Variants in SEMA3A observed in about 807,000 individuals in gnomAD.
The protein encoded by SEMA3A is semaphorin-3A.
In SEMA3A, 29 loss-of-function variants were observed where a neutral mutation model predicts 97.9. The observed-to-expected ratio is 0.30, with a 90% CI of 0.22 to 0.40. The LOEUF is 0.40. Ranked by LOEUF, SEMA3A falls within the 10% of genes least tolerant of loss-of-function variation. The probability of loss-of-function intolerance (pLI) is 1.00; values close to 1 mark genes in which losing one functional copy is unlikely to be tolerated. For synonymous variants in SEMA3A, 321 were observed against 323.7 expected (o/e 0.99, Z 0.09); for missense variants, 763 against 951.3 (o/e 0.80, Z 2.60).
At chr7:84,285,919 G>A (rs1266042135) in intron 3 of SEMA3A, among the ~76,000 whole-genome samples, 1 of 140,308 alleles carries the variant, frequency 7.1e-6, no homozygotes, top group Non-Finnish European at 1.5e-5. Flanking sequence ...CTGTGAGTGA[G>A]ACATGATCGA....
At chr7:84,007,583 A>T (rs1229310705) in intron 9 of SEMA3A, 86 bp from the exon 10 acceptor site, 2 of 1,002,228 alleles carry the variant, frequency 2.0e-6, no homozygotes, top group East Asian at 6.3e-5. Flanking sequence ...TACATTTTAG[A>T]TATGATTTAT....
intron 3 of SEMA3A, among the ~76,000 whole-genome samples, chr7:84,232,460 C>T (rs1799138084): frequency 1.3e-5 from 2 of 151,328 alleles, no homozygotes; most frequent in South Asian, 4.1e-4. Context: ...CTCTGTCACA[C>T]ACACACACAC....
rs750582224 is a variant in SEMA3A, at chr7:84,014,340, T to G, written c.679A>C (p.Ile227Leu). ...DSRWLNDPKFISAHLISESDN... is the reference protein window; with the variant it reads ...DSRWLNDPKFLSAHLISESDN... ...CTCTCTGAGATGAGGTGGGCACTAA[T>G]GAACTTTGGATCTGAGAGACAAATA... Residue 227 changes from isoleucine (I) to leucine (L), a missense_variant, in exon 7 of 17, where the codon ATT becomes CTT. Coordinates refer to ENST00000265362, the MANE Select transcript of SEMA3A (RefSeq NM_006080.3). 1.2e-6 allele frequency: 2 copies of G among 1,609,988 alleles called. No individual in the cohort carries two copies. The highest frequency in any genetic ancestry group is 1.7e-6 in the Non-Finnish European group (2 of 1,177,290).
rs531111069 is a variant in SEMA3A at position 84,346,890 on chromosome 7, A to G, written c.-169+24934T>C. On this transcript the variant is annotated intron_variant, in intron 2 of 3. Transcript: ENST00000424555. ...TTTGTAGAAAAGGCAATTATCTGCC[A>G]CTTGCATAAAGAACAATAAAAGGAA... is the stretch of plus-strand genomic sequence containing the variant. Among the ~76,000 whole-genome samples, 3 of 152,366 alleles carry G rather than the reference A, an allele frequency of 2.0e-5. No individual in the cohort carries two copies. In the South Asian group the frequency reaches 6.2e-4, roughly 32 times the overall value.
chr7:84,120,139 C>T (rs1390743216), intron 3 of SEMA3A, among the ~76,000 whole-genome samples: 1 of 151,530 alleles, frequency 6.6e-6, no homozygotes, highest in Non-Finnish European at 1.5e-5. Flanking sequence ...AATTTTAATC[C>T]TGACCCTAAA....
chr7:84,057,188 A>C (rs1793019374), intron 5 of SEMA3A, among the ~76,000 whole-genome samples: 1 of 152,228 alleles, frequency 6.6e-6, no homozygotes, highest in Non-Finnish European at 1.5e-5. Flanking sequence ...CCTTTGAAAT[A>C]GGTCTCAATA....
At chr7:84,222,164 C>A (rs909080143) in intron 3 of SEMA3A, among the ~76,000 whole-genome samples, 1 of 151,686 alleles carries the variant, frequency 6.6e-6, no homozygotes, top group African/African-American at 2.4e-5. Flanking sequence ...TCATCTTGCA[C>A]CCTATGCTAT....
chr7:84,466,280 C>T (rs1805995337), intron 1 of SEMA3A, among the ~76,000 whole-genome samples: 2 of 152,084 alleles, frequency 1.3e-5, no homozygotes, highest in South Asian at 4.1e-4. Context: ...TCAAGCGATT[C>T]TCCTGCCTTA....
chr7:84,135,443 T>A (rs1243597427), intron 1 of SEMA3A, among the ~76,000 whole-genome samples: 1 of 152,046 alleles, frequency 6.6e-6, no homozygotes, highest in Non-Finnish European at 1.5e-5. Context: ...TATATTCCTA[T>A]TTGCTGGTTT....
intron 6 of SEMA3A, among the ~76,000 whole-genome samples, chr7:84,033,313 G>T (rs1397660091): frequency 6.6e-6 from 1 of 152,098 alleles, no homozygotes; most frequent in Non-Finnish European, 1.5e-5. Context: ...TTTCTAAAAA[G>T]AAAAATTTAA....
At chr7:84,131,904 C>T (rs771641268) in intron 2 of SEMA3A, among the ~76,000 whole-genome samples, 4 of 152,102 alleles carry the variant, frequency 2.6e-5, no homozygotes, top group African/African-American at 7.2e-5. Context: ...ATTGTCCTGC[C>T]GCAGCCTTTA....
chr7:84,071,937 T>G (rs1312529616), intron 4 of SEMA3A, among the ~76,000 whole-genome samples: 1 of 152,092 alleles, frequency 6.6e-6, no homozygotes, highest in Non-Finnish European at 1.5e-5. Flanking sequence ...TCCCAGGAAC[T>G]AATAATTTCG....
chr7:84,052,455 G>A (rs28768808), intron 5 of SEMA3A, among the ~76,000 whole-genome samples: 84,519 of 151,810 alleles, frequency 0.56, 25,491 homozygotes, highest in Non-Finnish European at 0.67. Context: ...TGTATGTGTC[G>A]AGGAATTTAT....
At chr7:84,028,004 T>C (rs1303873312) in intron 6 of SEMA3A, among the ~76,000 whole-genome samples, 1 of 152,218 alleles carries the variant, frequency 6.6e-6, no homozygotes, top group East Asian at 1.9e-4. Flanking sequence ...GTATTCTTTC[T>C]GAAAATTGAA....
intron 2 of SEMA3A, among the ~76,000 whole-genome samples, chr7:84,370,066 T>C (rs190830364): frequency 6.6e-6 from 1 of 151,454 alleles, no homozygotes; most frequent in Non-Finnish European, 1.5e-5. Context: ...GTTAACCTGA[T>C]TGAAGCGCAA....
chr7:83,956,802 C>T lies in SEMA3A; in HGVS notation c.*4569G>A, dbSNP rs1019422269. On this transcript the variant is annotated 3_prime_UTR_variant, in exon 17 of 17. Coordinates refer to ENST00000265362, the MANE Select transcript of SEMA3A (RefSeq NM_006080.3). ...CTCTCCTCCTTTCTCCTTATTTCTT[C>T]TACTCAGATTGCCATTTTGTTTCTT... is the stretch of plus-strand genomic sequence containing the variant. 6 of 152,184 alleles carry T rather than the reference C, an allele frequency of 3.9e-5. No homozygotes were observed. Among genetic ancestry groups the T allele is most frequent in the Admixed American group, 3.9e-4 (6 of 15,272 alleles). The allele number at this position is 152,184 out of a possible 1,614,324, so 9.4% of individuals were successfully genotyped here.
chr7:84,484,366 G>T (rs913378659), intron 1 of SEMA3A, among the ~76,000 whole-genome samples: 40 of 151,990 alleles, frequency 2.6e-4, no homozygotes, highest in African/African-American at 9.2e-4. Flanking sequence ...TATTTTTCTT[G>T]TTGGTGCATA....
At chr7:84,158,601 GC>G (rs1209050293) in intron 1 of SEMA3A, among the ~76,000 whole-genome samples, 3 of 152,030 alleles carry the variant, frequency 2.0e-5, no homozygotes, top group Non-Finnish European at 4.4e-5. Flanking sequence ...TTTGTGCACT[GC>G]CCCTCTTCCC....
chr7:84,431,646 A>G (rs1012200543), intron 1 of SEMA3A, among the ~76,000 whole-genome samples: 18 of 151,946 alleles, frequency 1.2e-4, no homozygotes, highest in Non-Finnish European at 2.4e-4. Context: ...AAGGCTACCT[A>G]TAATTGATAA....
Sources: gnomAD v4.1 joint callset for allele counts (sites outside exome capture counted in the v4.1 genomes callset) on GRCh38, gnomAD v4.1.1 for gene constraint, MANE v1.5 for transcripts, NCBI Gene and HGNC (gene_info 2026-07-23, HGNC 2026-07-21) for gene names.